BAG4: variants seen among roughly 807,000 people sequenced by gnomAD.
BAG4 encodes BAG cochaperone 4.
BAG4 carries 28 observed loss-of-function variants against 52.1 expected under a neutral mutation model. The ratio of observed to expected loss-of-function variants is 0.54; its 90% CI spans 0.40 to 0.74. The LOEUF is 0.74. Among genes scored for constraint, BAG4 ranks in the 30% least tolerant of loss-of-function variants. The pLI, the probability that BAG4 is intolerant of heterozygous loss-of-function variation, is 0.00. For synonymous variants in BAG4, 208 were observed against 217.0 expected, an observed-to-expected ratio of 0.96 and a Z score of 0.37; for missense variants, 525 against 572.0, an observed-to-expected ratio of 0.92 and a Z score of 0.84.
chr8:38,212,672 T>G lies in BAG4; in HGVS notation c.*2179T>G, dbSNP rs1803883938. 6.6e-6 allele frequency: 1 copy of G among 152,204 alleles called. No homozygotes were observed. The highest frequency in any genetic ancestry group is 1.5e-5 in the Non-Finnish European group (1 of 68,030). The allele number at this position is 152,204 out of a possible 1,614,324, so 9.4% of individuals were successfully genotyped here. A position where few individuals can be genotyped will look rare whatever the true frequency, so the allele number is the denominator to read the frequency against. Reference sequence around the variant, plus strand: ...TATCATAACAGGGGATACCTGATGTTGTAATGTATTTCTGGTGTTGTTAAC... The same window carrying G: ...TATCATAACAGGGGATACCTGATGTGGTAATGTATTTCTGGTGTTGTTAAC... On this transcript the variant is annotated 3_prime_UTR_variant, in exon 5 of 5. Transcript: ENST00000287322.
chr8:38,182,235 C>T (rs1803285979), intron 1 of BAG4, among the ~76,000 whole-genome samples: 3 of 152,124 alleles, frequency 2.0e-5, no homozygotes, highest in African/African-American at 7.2e-5. Flanking sequence ...GATTATGAAC[C>T]ATATAGCTAT....
At chr8:38,188,734 G>T (rs1196404688) in intron 1 of BAG4, among the ~76,000 whole-genome samples, 10 of 149,442 alleles carry the variant, frequency 6.7e-5, no homozygotes, top group African/African-American at 2.5e-4. Context: ...TATGCAAAAG[G>T]CAACTATGAG....
intron 1 of BAG4, among the ~76,000 whole-genome samples, chr8:38,182,810 G>GA (rs1192343130): frequency 2.7e-5 from 4 of 150,510 alleles, no homozygotes; most frequent in Non-Finnish European, 4.4e-5. Context: ...CCAAAAGGAG[G>GA]AAAAAAAAGA....
intron 1 of BAG4, among the ~76,000 whole-genome samples, chr8:38,181,915 A>AAAAAAAAAAAAAAG (rs1554506184): frequency 7.4e-6 from 1 of 134,632 alleles, no homozygotes; most frequent in Non-Finnish European, 1.6e-5. Flanking sequence ...AAAAAAAAAA[A>AAAAAAAAAAAAAAG]AGGAAGTAAG....
At chr8:38,182,206 CATAAGG>C (rs2130661802) in intron 1 of BAG4, among the ~76,000 whole-genome samples, 2 of 152,242 alleles carry the variant, frequency 1.3e-5, no homozygotes, top group South Asian at 4.1e-4. Flanking sequence ...AGTATAGGAG[CATAAGG>C]TGATTTGTTA....
chr8:38,185,612 A>G (rs148260287), intron 1 of BAG4, among the ~76,000 whole-genome samples: 2,905 of 152,222 alleles, frequency 0.019, 80 homozygotes, highest in African/African-American at 0.066. Flanking sequence ...CTGGAGTACA[A>G]TGGCGCCATC....
At chr8:38,177,780 A>G (rs1803190247) in intron 1 of BAG4, among the ~76,000 whole-genome samples, 1 of 152,100 alleles carries the variant, frequency 6.6e-6, no homozygotes, top group African/African-American at 2.4e-5. Context: ...TCACTTGCCT[A>G]ATACACTTGG....
rs546206448 is a variant in BAG4 at position 38,199,257 on chromosome 8, A to G, written c.378+6462A>G. Among the ~76,000 whole-genome samples the G allele has an allele frequency of 1.2e-4, 19 of 152,234 alleles. 1 individual carries two copies. Among genetic ancestry groups the G allele is most frequent in the Non-Finnish European group, 8.8e-5 (6 of 68,042 alleles). On this transcript the variant is annotated intron_variant, in intron 2 of 4. Coordinates refer to ENST00000287322, the MANE Select transcript of BAG4 (RefSeq NM_004874.4). ...GGCAATACAATTATTTGGCTCCATT[A>G]TAATCCTATGGGACCACTGTTATGT...
At chr8:38,191,478 C>T (rs1039042745) in intron 1 of BAG4, among the ~76,000 whole-genome samples, 10 of 152,082 alleles carry the variant, frequency 6.6e-5, no homozygotes, top group African/African-American at 2.2e-4. Context: ...TATACTTGGG[C>T]GGGCACAGTG....
intron 1 of BAG4, among the ~76,000 whole-genome samples, chr8:38,180,522 C>CAAA (rs1161178024): frequency 7.2e-4 from 19 of 26,484 alleles, no homozygotes; most frequent in African/African-American, 1.9e-3. Context: ...GACTCCGTCT[C>CAAA]AAAAAAAAAA....
intron 1 of BAG4, among the ~76,000 whole-genome samples, chr8:38,179,251 C>G (rs1803222752): frequency 6.6e-6 from 1 of 151,968 alleles, no homozygotes; most frequent in Admixed American, 6.6e-5. Flanking sequence ...CCTCTGCCTC[C>G]CGGGGTCAAA....
intron 3 of BAG4, among the ~76,000 whole-genome samples, chr8:38,208,222 C>A (rs527747601): frequency 2.7e-5 from 4 of 146,660 alleles, no homozygotes; most frequent in Admixed American, 6.8e-5. Context: ...TGATCTGCCC[C>A]CCTCGGCCTC....
rs761155446 is a variant in BAG4 at position 38,210,134 on chromosome 8, G to A, written c.1015G>A (p.Val339Ile). 8 of 1,614,148 alleles carry A rather than the reference G, an allele frequency of 5.0e-6. No individual in the cohort carries two copies. The highest frequency in any genetic ancestry group is 1.1e-5 in the South Asian group (1 of 91,072). ...TGATTCAGATCTTTTGGATTCCCAA[G>A]TCCAGTATAGTGCTGAGCCTCAGCT... ...NDDSDLLDSQ[V>I]QYSAEPQLYG... Residue 339 changes from valine to isoleucine, a missense_variant, in exon 5 of 5, where the codon GTC (valine) becomes ATC (isoleucine). By Grantham distance (29) the Val-to-Ile change is conservative. Around this residue, in one of 2 missense-constraint regions of BAG4, gnomAD observed 238 missense variants for 305.8 expected, o/e 0.78. Transcript: ENST00000287322.
chr8:38,185,633 C>T (rs548387448), intron 1 of BAG4, among the ~76,000 whole-genome samples: 4 of 152,248 alleles, frequency 2.6e-5, no homozygotes, highest in South Asian at 4.1e-4. Context: ...TTGGCGATCT[C>T]GGCTTACTGC....
intron 2 of BAG4, among the ~76,000 whole-genome samples, chr8:38,193,187 G>A (rs892194986): frequency 1.2e-4 from 19 of 152,084 alleles, no homozygotes; most frequent in African/African-American, 4.6e-4. Context: ...GGGAGACCAA[G>A]GCAGGCAGAT....
chr8:38,185,376 A>T (rs944988783), intron 1 of BAG4, among the ~76,000 whole-genome samples: 1 of 152,224 alleles, frequency 6.6e-6, no homozygotes, highest in African/African-American at 2.4e-5. Context: ...CTTAATTACA[A>T]ATATTTGCAC....
chr8:38,205,692 A>T (rs1461067853), intron 2 of BAG4, among the ~76,000 whole-genome samples: 1 of 152,134 alleles, frequency 6.6e-6, no homozygotes. Flanking sequence ...CTGCTCAGGG[A>T]ATGCATTGCT....
At chr8:38,209,911 C>T in intron 4 of BAG4, 97 bp from the exon 5 acceptor site, 2 of 1,467,844 alleles carry the variant, frequency 1.4e-6, no homozygotes, top group Non-Finnish European at 1.8e-6. Flanking sequence ...TTTTCATGTA[C>T]CTTTCTGGTC....
At chr8:38,201,988 G>A (rs1362798536) in intron 2 of BAG4, 1 of 141,188 alleles carries the variant, frequency 7.1e-6, no homozygotes, top group Non-Finnish European at 1.5e-5. Flanking sequence ...TGCAGTTTAT[G>A]TGCTATGCAA....
Sources: gnomAD v4.1 joint callset for allele counts (sites outside exome capture counted in the v4.1 genomes callset) on GRCh38, gnomAD v4.1.1 for gene constraint, gnomAD v4.1.1 regional missense constraint, MANE v1.5 for transcripts, NCBI Gene and HGNC (gene_info 2026-07-23, HGNC 2026-07-21) for gene names.